The following WASHC4 variants were observed in gnomAD, a reference collection of about 807,000 sequenced individuals.
WASHC4 encodes WASH complex subunit 7.
WASHC4 carries 86 observed loss-of-function variants against 166.6 expected under a neutral mutation model. The observed-to-expected ratio is 0.52, with a 90% CI of 0.43 to 0.62. The LOEUF (loss-of-function observed/expected upper bound fraction) is 0.62. WASHC4 is among the 20% of genes least tolerant of loss of function. The pLI is 0.00. For synonymous variants in WASHC4, 446 were observed against 451.6 expected (o/e 0.99, Z 0.16); for missense variants, 1,262 against 1,382.4 (o/e 0.91, Z 1.38).
At position 105,126,042 on chromosome 12, in the gene WASHC4, A is replaced by C. The variant is rs746005841; in HGVS notation, c.825A>C (p.Gly275=). 11 of 1,612,478 alleles carry C rather than the reference A, an allele frequency of 6.8e-6. No individual in the cohort carries two copies. The South Asian group carries it at 1.1e-4, about 16-fold the overall frequency. ...AACAATTTGATTCTCTCAATGGAGG[A>C]GTATCTGTGTCAAAAAATAGTACTT... The part of the protein sequence containing the change: ...IEQQFDSLNG[G]VSVSKNSTFA... The change falls in exon 11 of 33, where the codon GGA becomes GGC. Residue 275 remains glycine (G), a synonymous_variant. Transcript: ENST00000332180.
intron 6 of WASHC4, among the ~76,000 whole-genome samples, chr12:105,117,410 A>G (rs1318962579): frequency 6.6e-6 from 1 of 152,026 alleles, no homozygotes. Context: ...TTCTGTTTCT[A>G]GGTCTATCTT....
chr12:105,118,824 T>C (rs2135733924), intron 7 of WASHC4, among the ~76,000 whole-genome samples: 1 of 152,314 alleles, frequency 6.6e-6, no homozygotes, highest in East Asian at 1.9e-4. Context: ...TCTCTCTTTA[T>C]TCCTTTCCTC....
intron 13 of WASHC4, among the ~76,000 whole-genome samples, chr12:105,131,969 C>T (rs2135767515): frequency 6.6e-6 from 1 of 152,318 alleles, no homozygotes; most frequent in East Asian, 1.9e-4. Context: ...AGCAATATGG[C>T]TAGCTGCTGA....
chr12:105,124,703 A>G (rs1881110544), intron 10 of WASHC4, among the ~76,000 whole-genome samples: 1 of 151,490 alleles, frequency 6.6e-6, no homozygotes, highest in African/African-American at 2.4e-5. Context: ...CTGGTCTCGA[A>G]CTCCTGACCT....
At chr12:105,132,906 C>A (rs983612842) in intron 13 of WASHC4, among the ~76,000 whole-genome samples, 1 of 151,956 alleles carries the variant, frequency 6.6e-6, no homozygotes, top group Admixed American at 6.6e-5. Context: ...ATTCTGACCA[C>A]TTCCACTGTT....
In WASHC4 at chr12:105,144,744, A is replaced by T; in HGVS notation, c.2206A>T (p.Thr736Ser). 6.2e-7 allele frequency: 1 copy of T among 1,612,322 alleles called. No individual in the cohort carries two copies. Residue 736 changes from threonine (T) to serine (S), a missense_variant, in exon 22 of 33, where the codon ACT (threonine) becomes TCT (serine). Coordinates refer to ENST00000332180, the MANE Select transcript of WASHC4 (RefSeq NM_015275.3). ...TTACGTAACTCACTACCTAGACAAG[A>T]CTTTCTACAATCTAACAACTGTAGC... is the stretch of plus-strand genomic sequence containing the variant. ...RAYVTHYLDK[T>S]FYNLTTVALH...
chr12:105,135,801 C>G (rs1398733767), intron 14 of WASHC4, among the ~76,000 whole-genome samples: 2 of 152,052 alleles, frequency 1.3e-5, no homozygotes, highest in Admixed American at 1.3e-4. Flanking sequence ...TTATTTTCTT[C>G]AACACATTCA....
chr12:105,150,894 T>G (rs1174121296), intron 25 of WASHC4, among the ~76,000 whole-genome samples: 3 of 152,082 alleles, frequency 2.0e-5, no homozygotes, highest in African/African-American at 4.8e-5. Context: ...TCAGATCTTG[T>G]GAGAACTAAC....
chr12:105,107,993 G>A (rs889170391), intron 1 of WASHC4, 132 bp downstream of exon 1: 3 of 704,168 alleles, frequency 4.3e-6, no homozygotes, highest in Admixed American at 4.5e-5. Flanking sequence ...AGCCCTTGGG[G>A]TGTGCGAGGG....
At chr12:105,115,408 A>T (rs1274269001) in intron 5 of WASHC4, among the ~76,000 whole-genome samples, 179 bp downstream of exon 5, 1 of 152,018 alleles carries the variant, frequency 6.6e-6, no homozygotes, top group Admixed American at 6.6e-5. Context: ...CAAATTTGTG[A>T]TATCTTTGTA....
intron 23 of WASHC4, 145 bp from the exon 24 acceptor site, chr12:105,146,897 A>T (rs1432234373): frequency 4.4e-6 from 3 of 680,164 alleles, no homozygotes; most frequent in Non-Finnish European, 5.4e-6. Context: ...TTTCGGATTA[A>T]GGATACTCAC....
At position 105,126,317 on chromosome 12, in the gene WASHC4, T is replaced by A. The variant is rs1881277287; in HGVS notation, c.993T>A (p.Thr331=). The change falls in exon 12 of 33, where the codon ACT becomes ACA. Residue 331 remains threonine (T), a synonymous_variant. Transcript: ENST00000332180. ...LFVLHFQIFR[T]IDKKFYKSLL... ...TATTGCACTTTCAGATTTTTCGAAC[T>A]ATTGATAAAAAGTTTTATAAGTCTT... 1 of 1,601,962 alleles carries A rather than the reference T, an allele frequency of 6.2e-7. No individual in the cohort carries two copies. Among genetic ancestry groups the A allele is most frequent in the Non-Finnish European group, 8.5e-7 (1 of 1,169,894 alleles).
intron 1 of WASHC4, among the ~76,000 whole-genome samples, chr12:105,110,504 A>G (rs1269230233): frequency 6.6e-6 from 1 of 152,198 alleles, no homozygotes; most frequent in East Asian, 1.9e-4. Flanking sequence ...GAAGAACAGC[A>G]TAGTATTCTG....
At chr12:105,108,907 T>G (rs1879362430) in intron 1 of WASHC4, among the ~76,000 whole-genome samples, 2 of 152,180 alleles carry the variant, frequency 1.3e-5, no homozygotes, top group African/African-American at 4.8e-5. Context: ...GGTTGCAGTT[T>G]TTCACAAAAC....
At position 105,107,735 on chromosome 12, in the gene WASHC4, G is replaced by T. The variant is rs1466127541; in HGVS notation, c.-66G>T. 4 of 1,209,778 alleles carry T rather than the reference G, an allele frequency of 3.3e-6. No individual in the cohort carries two copies. In the African/African-American group the frequency reaches 6.1e-5, roughly 18 times the overall value. The allele number at this position is 1,209,778 out of a possible 1,614,324, so 74.9% of individuals were successfully genotyped here. On this transcript the variant is annotated 5_prime_UTR_variant, in exon 1 of 33. Coordinates refer to ENST00000332180, the MANE Select transcript of WASHC4 (RefSeq NM_015275.3). ...CCGGAAGTCACGTGCTGTGACAGTA[G>T]CTGGGGTGAGGCCGTCGTCGCCGCA...
intron 10 of WASHC4, 40 bp downstream of exon 10, chr12:105,122,278 A>G: frequency 6.3e-7 from 1 of 1,598,536 alleles, no homozygotes; most frequent in African/African-American, 1.3e-5. Context: ...TGGGGCTCAT[A>G]TTAGACGACA....
At position 105,121,139 on chromosome 12, in the gene WASHC4, G is replaced by A; in HGVS notation, c.600G>A (p.Leu200=). ...ACTTGGGAGAACTGCTAACAGTTTTGCTCACCCTGGATGAAATTATTGATA... is the reference window on the plus strand; with the variant it reads ...ACTTGGGAGAACTGCTAACAGTTTTACTCACCCTGGATGAAATTATTGATA... ...YEHLGELLTV[L]LTLDEIIDNH... Residue 200 remains leucine (L), a synonymous_variant, in exon 9 of 33, where the codon TTG becomes TTA. Coordinates refer to ENST00000332180, the MANE Select transcript of WASHC4 (RefSeq NM_015275.3). 6.2e-7 allele frequency: 1 copy of A among 1,613,120 alleles called. No individual in the cohort carries two copies. Among genetic ancestry groups the A allele is most frequent in the Non-Finnish European group, 8.5e-7 (1 of 1,179,546 alleles).
chr12:105,140,254 T>C, intron 15 of WASHC4, 40 bp from the exon 16 acceptor site: 4 of 1,469,050 alleles, frequency 2.7e-6, no homozygotes, highest in Non-Finnish European at 3.8e-6. Flanking sequence ...CCTGAAATTT[T>C]TAAGTTGATT....
chr12:105,112,043 A>G (rs1879725073), intron 2 of WASHC4, among the ~76,000 whole-genome samples: 2 of 151,928 alleles, frequency 1.3e-5, no homozygotes, highest in African/African-American at 4.8e-5. Flanking sequence ...GTGATAATCA[A>G]CCCCCAGTTC....
Sources: gnomAD v4.1 joint callset for allele counts (sites outside exome capture counted in the v4.1 genomes callset) on GRCh38, gnomAD v4.1.1 for gene constraint, MANE v1.5 for transcripts, NCBI Gene and HGNC (gene_info 2026-07-23, HGNC 2026-07-21) for gene names.